Variants in GAK observed in about 807,000 individuals in gnomAD.
The protein encoded by GAK is cyclin-G-associated kinase.
Under a neutral mutation model 143.9 loss-of-function variants are expected in GAK, and 79 were observed. The ratio of observed to expected loss-of-function variants is 0.55; its 90% confidence interval spans 0.46 to 0.66. The LOEUF is 0.66. Ranked by LOEUF, GAK falls within the 30% of genes least tolerant of loss-of-function variation. GAK has a pLI of 0.00. For missense variants in GAK, 1,693 were observed against 1,779.7 expected (o/e 0.95, Z 0.88); for synonymous variants, 881 against 765.5 (o/e 1.15, Z -2.49).
chr4:881,625 C>G (rs536333180), intron 15 of GAK, among the ~76,000 whole-genome samples: 1 of 152,310 alleles, frequency 6.6e-6, no homozygotes, highest in African/African-American at 2.4e-5. Context: ...TCCACCAGAG[C>G]CCACCACATA....
At chr4:910,793 C>G (rs936884388) in intron 4 of GAK, among the ~76,000 whole-genome samples, 1 of 152,156 alleles carries the variant, frequency 6.6e-6, no homozygotes, top group Non-Finnish European at 1.5e-5. Flanking sequence ...CACCCCCTCA[C>G]CGGCCAGGCC....
intron 15 of GAK, among the ~76,000 whole-genome samples, chr4:879,395 T>C (rs934685109): frequency 6.6e-6 from 1 of 152,230 alleles, no homozygotes; most frequent in Non-Finnish European, 1.5e-5. Context: ...ACTTGTTTGA[T>C]CTGTTCTTGG....
At chr4:870,022 C>G (rs1712190251) in intron 19 of GAK, 1 of 153,516 alleles carries the variant, frequency 6.5e-6, no homozygotes, top group South Asian at 2.0e-4. Context: ...ACAGCACACA[C>G]AGATGCACTG....
intron 27 of GAK, 22 bp downstream of exon 27, chr4:849,870 G>GC (rs1560264459): frequency 6.5e-7 from 1 of 1,536,398 alleles, no homozygotes; most frequent in Admixed American, 1.9e-5. Context: ...GCCTCAAGCG[G>GC]CCGCCTGGCA....
chr4:880,988 G>T (rs1714985278), intron 15 of GAK, among the ~76,000 whole-genome samples: 1 of 152,160 alleles, frequency 6.6e-6, no homozygotes, highest in Non-Finnish European at 1.5e-5. Flanking sequence ...CACTCCTCTT[G>T]CCGGGGGTCA....
At chr4:863,842 G>C (rs978778199) in intron 23 of GAK, among the ~76,000 whole-genome samples, 1 of 151,818 alleles carries the variant, frequency 6.6e-6, no homozygotes, top group African/African-American at 2.4e-5. Context: ...GACCAACATA[G>C]TGAAACCTCA....
At chr4:856,405 AGCT>A (rs1480613325) in intron 24 of GAK, among the ~76,000 whole-genome samples, 1 of 47,352 alleles carries the variant, frequency 2.1e-5, no homozygotes, top group Admixed American at 2.2e-4. Flanking sequence ...TCACCACCAC[AGCT>A]GCTCACCACA....
In GAK at chr4:868,599, C is replaced by T. The variant is rs1711571321; in HGVS notation, c.2335G>A (p.Asp779Asn). ...GSPEAEPTDS[D>N]SPPSSSADAS... ...TCCGCGCTGCTGCTTGGCGGTGAGT[C>T]AGAGTCTGTGGGTTCGGCTTCCGGG... is the stretch of plus-strand genomic sequence containing the variant. Residue 779 changes from aspartate to asparagine, a missense_variant, in exon 20 of 28, where the codon GAC becomes AAC. This residue lies in a region of GAK where 822 missense variants were observed against 788.7 expected (regional missense o/e 1.04). Transcript: ENST00000314167. 6.2e-7 allele frequency: 1 copy of T among 1,601,800 alleles called. No homozygotes were observed. The highest frequency in any genetic ancestry group is 1.3e-5 in the African/African-American group (1 of 74,550).
At chr4:909,209 G>A (rs1019985931) in intron 4 of GAK, among the ~76,000 whole-genome samples, 6 of 152,258 alleles carry the variant, frequency 3.9e-5, no homozygotes, top group African/African-American at 1.4e-4. Context: ...AAACTGACAA[G>A]TAACACCACG....
chr4:852,098 CGAGGCCGTCCA>C, intron 24 of GAK, 124 bp from the exon 25 acceptor site: 1 of 853,536 alleles, frequency 1.2e-6, no homozygotes, highest in Middle Eastern at 3.3e-4. Context: ...ACCGATCACT[CGAGGCCGTCCA>C]GAGGTGCCGG....
rs1726025364 is a variant in GAK at position 932,265 on chromosome 4, T to TCAGCAACCGCCGGCCCGGAGGTGCAC, written c.-104_-79dup. 1 of 1,426,936 alleles carries TCAGCAACCGCCGGCCCGGAGGTGCAC rather than the reference T, an allele frequency of 7.0e-7. No individual in the cohort carries two copies. Among genetic ancestry groups the TCAGCAACCGCCGGCCCGGAGGTGCAC allele is most frequent in the Non-Finnish European group, 9.1e-7 (1 of 1,098,642 alleles). 88.4% of individuals were successfully genotyped at this position (1,426,936 alleles called of 1,614,324 possible). ...CCGCTCCCTCGCCGTCCGGGTCAGC[T>TCAGCAACCGCCGGCCCGGAGGTGCAC]CAGCAACCGCCGGCCCGGAGGTGCA... On this transcript the variant is annotated 5_prime_UTR_variant, in exon 1 of 28. It removes the in-frame stop codon of an upstream open reading frame in the 5' UTR. Coordinates refer to ENST00000314167, the MANE Select transcript of GAK (RefSeq NM_005255.4). This position sits in a 1 kb window ranked among gnomAD's most constrained non-coding sequence, Gnocchi z 4.0.
chr4:891,112 C>G (rs186544295), intron 9 of GAK, among the ~76,000 whole-genome samples: 2 of 152,094 alleles, frequency 1.3e-5, no homozygotes, highest in Non-Finnish European at 2.9e-5. Flanking sequence ...GCATGCGCCA[C>G]CACGCCTGGC....
chr4:926,486 G>T (rs540512128), intron 1 of GAK, among the ~76,000 whole-genome samples: 1 of 152,172 alleles, frequency 6.6e-6, no homozygotes, highest in Admixed American at 6.5e-5. Context: ...CTCTGCAAAC[G>T]TCACTTTTCT....
At chr4:931,570 G>T (rs1197922249) in intron 1 of GAK, among the ~76,000 whole-genome samples, 1 of 152,024 alleles carries the variant, frequency 6.6e-6, no homozygotes, top group East Asian at 1.9e-4. Context: ...TCCGGCAAAA[G>T]GCCAAGGCTT....
Position 920,576 on chromosome 4 carries a change from G to C in GAK, c.146-6908C>G, listed in dbSNP as rs1723770228. On this transcript the variant is annotated intron_variant, in intron 1 of 27. Transcript: ENST00000314167. ...TTTTTTTTTTTGAGACGGAGTCTTGGTCTGTTGCCCAGGCTGCGGTGCAGA... is the reference window on the plus strand; with the variant it reads ...TTTTTTTTTTTGAGACGGAGTCTTGCTCTGTTGCCCAGGCTGCGGTGCAGA... Among the ~76,000 whole-genome samples the C allele has an allele frequency of 2.2e-5, 3 of 135,452 alleles. No individual in the cohort carries two copies. In the Admixed American group the frequency reaches 2.3e-4, roughly 10 times the overall value. The allele number at this position is 135,452 out of a possible 152,430, so 88.9% of individuals were successfully genotyped here. A position where few individuals can be genotyped will look rare whatever the true frequency, so the allele number is the denominator to read the frequency against.
At chr4:887,228 A>G (rs1009058541) in intron 11 of GAK, 10 of 123,672 alleles carry the variant, frequency 8.1e-5, no homozygotes, top group African/African-American at 1.5e-4. Flanking sequence ...CACGCGGCTC[A>G]CGCGCACTCA....
chr4:889,813 C>T (rs960463644), intron 10 of GAK, among the ~76,000 whole-genome samples: 3 of 152,246 alleles, frequency 2.0e-5, no homozygotes, highest in African/African-American at 7.2e-5. Flanking sequence ...CTGGAACACT[C>T]CCGGCACGGA....
At chr4:906,814 C>A (rs1280858540) in intron 4 of GAK, among the ~76,000 whole-genome samples, 1 of 152,198 alleles carries the variant, frequency 6.6e-6, no homozygotes, top group Non-Finnish European at 1.5e-5. Context: ...AGGGTCTCCC[C>A]CACGCTGCCA....
In GAK at chr4:911,746, A is replaced by T; in HGVS notation, c.309T>A (p.Ser103=). ...SGHPNIVQFC[S]AASIGKEESD... Reference sequence around the variant, plus strand: ...ACTCCTCTTTTCCTATAGACGCTGCAGAACAAAACTGGACAATGTTCGGGT... The same window carrying T: ...ACTCCTCTTTTCCTATAGACGCTGCTGAACAAAACTGGACAATGTTCGGGT... Residue 103 remains serine, a synonymous_variant, in exon 4 of 28, where the codon TCT becomes TCA. Coordinates refer to ENST00000314167, the MANE Select transcript of GAK (RefSeq NM_005255.4). The T allele has an allele frequency of 6.2e-7, 1 of 1,614,114 alleles. No homozygotes were observed.
Sources: gnomAD v4.1 joint callset for allele counts (sites outside exome capture counted in the v4.1 genomes callset) on GRCh38, gnomAD v4.1.1 for gene constraint, gnomAD v4.1.1 regional missense constraint, Gnocchi (gnomAD v3.1) non-coding constraint, MANE v1.5 for transcripts, NCBI Gene and HGNC (gene_info 2026-07-23, HGNC 2026-07-21) for gene names.